EXOC4: variants seen among roughly 807,000 people sequenced by gnomAD.
EXOC4 encodes exocyst complex component 4.
EXOC4 carries 71 observed loss-of-function variants against 107.2 expected under a neutral mutation model. The observed-to-expected ratio is 0.66, with a 90% CI of 0.55 to 0.81. EXOC4 has a LOEUF of 0.81. EXOC4 is among the 30% of genes least tolerant of loss of function. EXOC4 has a pLI of 0.00. For synonymous variants in EXOC4, 456 were observed against 441.2 expected (o/e 1.03, Z -0.42); for missense variants, 1,108 against 1,189.6 (o/e 0.93, Z 1.01).
chr7:133,452,342 CT>C (rs1798367372), intron 7 of EXOC4, among the ~76,000 whole-genome samples: 1 of 151,934 alleles, frequency 6.6e-6, no homozygotes, highest in African/African-American at 2.4e-5. Context: ...CATAAGATAA[CT>C]GTTGATTTTT....
At chr7:133,928,922 C>CTTTTTT (rs71162044) in intron 13 of EXOC4, among the ~76,000 whole-genome samples, 2 of 82,016 alleles carry the variant, frequency 2.4e-5, no homozygotes, top group South Asian at 6.4e-4. Context: ...ACAGTAGTAC[C>CTTTTTT]TTTTTTTTTT....
At chr7:133,304,377 A>G (rs528818031) in intron 3 of EXOC4, among the ~76,000 whole-genome samples, 47 of 152,330 alleles carry the variant, frequency 3.1e-4, no homozygotes, top group African/African-American at 9.6e-4. Context: ...CTCTGGGCCC[A>G]GGGGCTCTCA....
chr7:133,359,642 A>G (rs1298797671), intron 6 of EXOC4, among the ~76,000 whole-genome samples: 1 of 152,156 alleles, frequency 6.6e-6, no homozygotes, highest in African/African-American at 2.4e-5. Flanking sequence ...AATTTTCCCT[A>G]AAAGTTTCAT....
rs139283214 is a variant in EXOC4, at chr7:133,489,931, A to C, written c.1417+9793A>C. Among the ~76,000 whole-genome samples, 8 of 152,310 alleles carry C rather than the reference A, an allele frequency of 5.3e-5. No homozygotes were observed. In the South Asian group the frequency reaches 1.7e-3, roughly 32 times the overall value. ...ATTTCTAACTTGCCTTGCAGCCAACATGGACGTGTAATTTAATTCTGGCTA... is the reference window on the plus strand; with the variant it reads ...ATTTCTAACTTGCCTTGCAGCCAACCTGGACGTGTAATTTAATTCTGGCTA... On this transcript the variant is annotated intron_variant, in intron 9 of 17. Transcript: ENST00000253861.
At chr7:133,686,637 C>A (rs1794304219) in intron 10 of EXOC4, among the ~76,000 whole-genome samples, 1 of 152,090 alleles carries the variant, frequency 6.6e-6, no homozygotes, top group Admixed American at 6.6e-5. Flanking sequence ...CACTAATGAT[C>A]AGGGAAATGC....
the EXOC4 span, among the ~76,000 whole-genome samples, chr7:134,097,725 A>T: frequency 6.6e-6 from 1 of 152,144 alleles, no homozygotes; most frequent in Non-Finnish European, 1.5e-5. Flanking sequence ...AGAAAATCCC[A>T]TTTATCCATA....
intron 10 of EXOC4, among the ~76,000 whole-genome samples, chr7:133,748,746 G>A (rs1422415199): frequency 6.6e-6 from 1 of 152,146 alleles, no homozygotes; most frequent in Non-Finnish European, 1.5e-5. Flanking sequence ...GAGATTCAGT[G>A]CCTAAGATAA....
chr7:133,484,179 G>A (rs1799222033), intron 9 of EXOC4: 1 of 1,568,476 alleles, frequency 6.4e-7, no homozygotes, highest in Non-Finnish European at 8.6e-7. Flanking sequence ...CACCCAAGAG[G>A]ATAAAAGGAT....
intron 7 of EXOC4, among the ~76,000 whole-genome samples, chr7:133,409,994 A>G (rs1019016149): frequency 2.6e-5 from 4 of 152,208 alleles, no homozygotes; most frequent in Admixed American, 1.3e-4. Flanking sequence ...GATTTTACCA[A>G]TAAAGATTAG....
At chr7:133,469,243 C>A (rs1164469424) in intron 7 of EXOC4, among the ~76,000 whole-genome samples, 1 of 152,054 alleles carries the variant, frequency 6.6e-6, no homozygotes, top group Non-Finnish European at 1.5e-5. Context: ...CGGTGAAACC[C>A]CATCTCTACT....
intron 10 of EXOC4, among the ~76,000 whole-genome samples, chr7:133,728,530 C>T (rs1227614659): frequency 1.3e-5 from 2 of 152,090 alleles, no homozygotes; most frequent in African/African-American, 4.8e-5. Flanking sequence ...TCTGTCCTTC[C>T]CTTGGAAAAT....
chr7:133,653,723 C>G (rs1803219346), intron 10 of EXOC4, among the ~76,000 whole-genome samples: 1 of 152,130 alleles, frequency 6.6e-6, no homozygotes, highest in Non-Finnish European at 1.5e-5. Flanking sequence ...CTTTATGAAC[C>G]TTTTTCTGAG....
chr7:133,353,459 T>A (rs1795955809), intron 5 of EXOC4, among the ~76,000 whole-genome samples: 1 of 152,148 alleles, frequency 6.6e-6, no homozygotes, highest in African/African-American at 2.4e-5. Flanking sequence ...TTTGGCACTT[T>A]GAATTAATCC....
At chr7:133,862,150 TTTTC>T (rs1239193846) in intron 11 of EXOC4, among the ~76,000 whole-genome samples, 7 of 151,724 alleles carry the variant, frequency 4.6e-5, no homozygotes, top group African/African-American at 1.2e-4. Context: ...ATGTCTTTAG[TTTTC>T]TTTCTTTTTT....
chr7:133,707,390 C>T (rs1794791051), intron 10 of EXOC4, among the ~76,000 whole-genome samples: 1 of 148,226 alleles, frequency 6.7e-6, no homozygotes, highest in African/African-American at 2.5e-5. Flanking sequence ...ATTGACATAT[C>T]AAAAGAAAAT....
At chr7:133,889,470 G>A (rs1294933411) in intron 11 of EXOC4, among the ~76,000 whole-genome samples, 2 of 144,160 alleles carry the variant, frequency 1.4e-5, no homozygotes, top group Non-Finnish European at 3.0e-5. Flanking sequence ...TGTGCACATT[G>A]TGCAGGTTAG....
At chr7:133,589,205 G>A (rs1373093344) in intron 9 of EXOC4, among the ~76,000 whole-genome samples, 1 of 152,098 alleles carries the variant, frequency 6.6e-6, no homozygotes, top group African/African-American at 2.4e-5. Context: ...AGAAAAATGG[G>A]TGGCCTTTAA....
intron 7 of EXOC4, among the ~76,000 whole-genome samples, chr7:133,404,298 T>A (rs1584889878): frequency 1.3e-5 from 2 of 151,720 alleles, no homozygotes; most frequent in Non-Finnish European, 2.9e-5. Flanking sequence ...AGAGACGGGG[T>A]TTCACTGTGT....
intron 11 of EXOC4, among the ~76,000 whole-genome samples, chr7:133,824,605 C>T (rs544426853): frequency 2.6e-5 from 4 of 152,198 alleles, no homozygotes; most frequent in South Asian, 4.1e-4. Flanking sequence ...GATAAATTAC[C>T]GTAAACTTAG....
Sources: allele counts gnomAD v4.1 joint callset (sites outside exome capture counted in the v4.1 genomes callset), GRCh38; gene constraint gnomAD v4.1.1; transcripts MANE v1.5; gene names NCBI Gene and HGNC (gene_info 2026-07-23, HGNC 2026-07-21).